Variants in CSMD1 observed in about 807,000 individuals in gnomAD.
The protein encoded by CSMD1 is CUB and Sushi multiple domains 1.
Under a neutral mutation model 417.5 loss-of-function variants are expected in CSMD1, and 213 were observed. The observed-to-expected ratio is 0.51, with a 90% CI of 0.46 to 0.57. The LOEUF (loss-of-function observed/expected upper bound fraction) is 0.57, where lower values mean the gene tolerates loss of function less well. Ranked by LOEUF, CSMD1 falls within the 20% of genes least tolerant of loss-of-function variation. The pLI, the probability that CSMD1 is intolerant of heterozygous loss-of-function variation, is 0.00. For missense variants in CSMD1, 6,923 were observed against 4,529.7 expected (o/e 1.53, Z -15.17); for synonymous variants, 2,862 against 1,736.8 (o/e 1.65, Z -16.11).
At position 3,950,844 on chromosome 8, in the gene CSMD1, T is replaced by A. The variant is rs984589273; in HGVS notation, c.818+47059A>T. ...TATTAAAATACTGTGCTAAGTAGAA[T>A]ATTTTCTTTAAAAGATTAAATTTCA... On this transcript the variant is annotated intron_variant, in intron 5 of 69. Transcript: ENST00000635120. Among the ~76,000 whole-genome samples the A allele has an allele frequency of 2.6e-4, 39 of 152,346 alleles. 1 individual carries two copies. The highest frequency in any genetic ancestry group is 9.1e-4 in the African/African-American group (38 of 41,594).
At chr8:2,974,416 C>G (rs754652953) in intron 56 of CSMD1, 35 bp downstream of exon 56, 1 of 1,476,798 alleles carries the variant, frequency 6.8e-7, no homozygotes, top group East Asian at 2.4e-5. Context: ...TATTTGAAAT[C>G]TGTAATTCTG....
chr8:4,447,032 A>G (rs1443134677), intron 2 of CSMD1, among the ~76,000 whole-genome samples: 1 of 152,128 alleles, frequency 6.6e-6, no homozygotes, highest in Non-Finnish European at 1.5e-5. Context: ...GGAGTTAACA[A>G]AAAGGATCAT....
chr8:4,477,563 C>G (rs1800872213), intron 2 of CSMD1, among the ~76,000 whole-genome samples: 2 of 152,282 alleles, frequency 1.3e-5, no homozygotes, highest in Non-Finnish European at 2.9e-5. Context: ...AAATGTACAT[C>G]TTTTTTTAAA....
chr8:3,672,029 T>C (rs1031834010), intron 7 of CSMD1, among the ~76,000 whole-genome samples: 2 of 152,218 alleles, frequency 1.3e-5, no homozygotes, highest in African/African-American at 4.8e-5. Flanking sequence ...AGGTTTTATT[T>C]AAATGAAGAA....
chr8:4,889,706 G>C (rs912543869), intron 1 of CSMD1, among the ~76,000 whole-genome samples: 2 of 152,054 alleles, frequency 1.3e-5, no homozygotes, highest in East Asian at 3.8e-4. Flanking sequence ...GTAATTAAAA[G>C]CAAAGAAAAT....
At chr8:4,198,298 C>G (rs1325417274) in intron 3 of CSMD1, among the ~76,000 whole-genome samples, 1 of 152,234 alleles carries the variant, frequency 6.6e-6, no homozygotes, top group Non-Finnish European at 1.5e-5. Flanking sequence ...AGAGAAGTGG[C>G]AGCAGGGGCT....
chr8:4,693,088 T>C (rs983931503), intron 1 of CSMD1, among the ~76,000 whole-genome samples: 2 of 152,146 alleles, frequency 1.3e-5, no homozygotes. Context: ...CTTCTCCACA[T>C]CCTCTCGGAA....
At chr8:3,500,882 G>A (rs956931960) in intron 10 of CSMD1, among the ~76,000 whole-genome samples, 2 of 152,130 alleles carry the variant, frequency 1.3e-5, no homozygotes, top group African/African-American at 4.8e-5. Context: ...AACTAACATG[G>A]ATGAAGAGAA....
intron 1 of CSMD1, among the ~76,000 whole-genome samples, chr8:4,676,932 G>C (rs1018346142): frequency 1.4e-5 from 2 of 145,938 alleles, no homozygotes; most frequent in Admixed American, 1.4e-4. Context: ...AGAGAGAGAT[G>C]ATATATATAG....
chr8:3,737,426 T>A (rs529497038), intron 6 of CSMD1, among the ~76,000 whole-genome samples: 2 of 152,216 alleles, frequency 1.3e-5, no homozygotes, highest in African/African-American at 2.4e-5. Context: ...AAATGCAAAT[T>A]ATTTTAGAAT....
intron 12 of CSMD1, among the ~76,000 whole-genome samples, chr8:3,411,674 A>G (rs62505568): frequency 0.54 from 72,478 of 133,226 alleles, 21,202 homozygotes; most frequent in Middle Eastern, 0.66. Context: ...ATATACGTGT[A>G]TATATACGTG....
At chr8:4,797,727 T>C (rs563960398) in intron 1 of CSMD1, among the ~76,000 whole-genome samples, 1 of 152,298 alleles carries the variant, frequency 6.6e-6, no homozygotes, top group East Asian at 1.9e-4. Flanking sequence ...TTAACTGGGA[T>C]AGGTACATAC....
chr8:4,110,674 C>G (rs4875278), intron 3 of CSMD1, among the ~76,000 whole-genome samples: 99,497 of 151,808 alleles, frequency 0.66, 32,807 homozygotes, highest in Middle Eastern at 0.73. Context: ...ATAAAGTTAC[C>G]TAAGAAAATG....
At chr8:3,883,959 T>A (rs368896710) in intron 5 of CSMD1, among the ~76,000 whole-genome samples, 2 of 152,296 alleles carry the variant, frequency 1.3e-5, no homozygotes, top group African/African-American at 4.8e-5. Context: ...TACATAGATA[T>A]AGAGTGTGCA....
At chr8:4,207,727 A>C (rs1428522348) in intron 3 of CSMD1, among the ~76,000 whole-genome samples, 1 of 152,096 alleles carries the variant, frequency 6.6e-6, no homozygotes, top group East Asian at 1.9e-4. Flanking sequence ...TTAATAGCAA[A>C]ATAACAGTAG....
intron 10 of CSMD1, among the ~76,000 whole-genome samples, chr8:3,564,487 C>G (rs1013567059): frequency 3.0e-4 from 45 of 147,920 alleles, no homozygotes; most frequent in Non-Finnish European, 4.3e-4. Context: ...AGGGATTAGT[C>G]TTCTTAGAAA....
At chr8:3,500,850 C>A (rs933728692) in intron 10 of CSMD1, among the ~76,000 whole-genome samples, 1 of 152,112 alleles carries the variant, frequency 6.6e-6, no homozygotes, top group South Asian at 2.1e-4. Context: ...GTAAGTGGTT[C>A]TGCAGATCTC....
At chr8:2,957,109 A>G (rs540481978) in intron 63 of CSMD1, among the ~76,000 whole-genome samples, 6 of 152,174 alleles carry the variant, frequency 3.9e-5, no homozygotes, top group Non-Finnish European at 7.3e-5. Flanking sequence ...CTACTCATCC[A>G]TATATTTTTT....
At chr8:3,537,807 T>G (rs546325744) in intron 10 of CSMD1, among the ~76,000 whole-genome samples, 14 of 152,354 alleles carry the variant, frequency 9.2e-5, no homozygotes, top group African/African-American at 3.4e-4. Flanking sequence ...CCATAGCACT[T>G]GGCACAAACT....
Sources: gnomAD v4.1 joint callset for allele counts (sites outside exome capture counted in the v4.1 genomes callset) on GRCh38, gnomAD v4.1.1 for gene constraint, MANE v1.5 for transcripts, NCBI Gene and HGNC (gene_info 2026-07-23, HGNC 2026-07-21) for gene names.